CSMD1: variants seen among roughly 807,000 people sequenced by gnomAD.
CSMD1 encodes CUB and Sushi multiple domains 1.
CSMD1 carries 213 observed loss-of-function variants against 417.5 expected under a neutral mutation model. That is an observed-to-expected ratio of 0.51 (90% CI 0.46 to 0.57). CSMD1 has a LOEUF of 0.57. CSMD1 is among the 20% of genes least tolerant of loss of function. The pLI is 0.00. For missense variants in CSMD1, 6,923 were observed against 4,529.7 expected, an observed-to-expected ratio of 1.53 and a Z score of -15.17; for synonymous variants, 2,862 against 1,736.8, an observed-to-expected ratio of 1.65 and a Z score of -16.11.
chr8:3,209,845 G>C (rs889440726), intron 30 of CSMD1, among the ~76,000 whole-genome samples: 6 of 152,090 alleles, frequency 3.9e-5, no homozygotes, highest in African/African-American at 1.4e-4. Context: ...TTATCCATTT[G>C]GCTAATTAGA....
chr8:4,888,176 C>T (rs1298123446), intron 1 of CSMD1, among the ~76,000 whole-genome samples: 1 of 151,624 alleles, frequency 6.6e-6, no homozygotes, highest in African/African-American at 2.4e-5. Context: ...TACATTGGTA[C>T]ATCCATATTG....
intron 5 of CSMD1, among the ~76,000 whole-genome samples, chr8:3,972,542 T>A (rs1316862398): frequency 6.6e-6 from 1 of 152,234 alleles, no homozygotes; most frequent in Admixed American, 6.5e-5. Context: ...TAAGCACGTG[T>A]GACCACATAT....
chr8:4,423,587 TATGGAAG>T (rs1797373446), intron 2 of CSMD1, among the ~76,000 whole-genome samples: 1 of 151,974 alleles, frequency 6.6e-6, no homozygotes, highest in Non-Finnish European at 1.5e-5. Flanking sequence ...ATGTTAATAG[TATGGAAG>T]ATGGAAGACT....
chr8:3,109,759 ACAC>A (rs1297246544), intron 43 of CSMD1, among the ~76,000 whole-genome samples: 2 of 151,736 alleles, frequency 1.3e-5, no homozygotes, highest in Non-Finnish European at 2.9e-5. Flanking sequence ...GCACACACAC[ACAC>A]AACATACACA....
intron 3 of CSMD1, among the ~76,000 whole-genome samples, chr8:4,309,074 G>C (rs145245732): frequency 6.6e-6 from 1 of 151,988 alleles, no homozygotes; most frequent in African/African-American, 2.4e-5. Context: ...TATTTTTTAT[G>C]TTAGGTTATT....
chr8:3,772,095 G>C (rs893867133), intron 5 of CSMD1, among the ~76,000 whole-genome samples: 15 of 147,588 alleles, frequency 1.0e-4, no homozygotes, highest in Non-Finnish European at 1.5e-5. Context: ...TTGATATTAG[G>C]GTGATTTTGT....
At chr8:4,233,477 G>A (rs778750082) in intron 3 of CSMD1, among the ~76,000 whole-genome samples, 3 of 152,166 alleles carry the variant, frequency 2.0e-5, no homozygotes, top group Non-Finnish European at 2.9e-5. Flanking sequence ...GCTTTGATTA[G>A]GAAGAAGGAG....
At chr8:4,452,628 A>C (rs1463710348) in intron 2 of CSMD1, among the ~76,000 whole-genome samples, 1 of 151,988 alleles carries the variant, frequency 6.6e-6, no homozygotes, top group African/African-American at 2.4e-5. Flanking sequence ...TGTGAAGTGC[A>C]CAATGAAAAA....
intron 46 of CSMD1, among the ~76,000 whole-genome samples, chr8:3,100,519 C>G (rs920933685): frequency 3.3e-5 from 5 of 152,162 alleles, no homozygotes. Context: ...TTCTTAGCAG[C>G]AATCACACAT....
chr8:4,670,955 G>A (rs993676563), intron 1 of CSMD1, among the ~76,000 whole-genome samples: 1 of 152,202 alleles, frequency 6.6e-6, no homozygotes, highest in Non-Finnish European at 1.5e-5. Context: ...ACAGTCATAT[G>A]ACATCCATGC....
intron 51 of CSMD1, among the ~76,000 whole-genome samples, 155 bp from the exon 52 acceptor site, chr8:3,018,805 G>A (rs1269826426): frequency 1.3e-5 from 2 of 152,110 alleles, no homozygotes; most frequent in Non-Finnish European, 2.9e-5. Context: ...GCTTAGGGCT[G>A]GATAGACCAG....
chr8:4,913,154 C>T lies in CSMD1; in HGVS notation c.85+81178G>A, dbSNP rs556662471. ...TCAAAGCAGAGTCCACCACTCAGAA[C>T]AGGCACAGGACAGTGGGTCTTGCAA... On this transcript the variant is annotated intron_variant, in intron 1 of 69. Coordinates refer to ENST00000635120, the MANE Select transcript of CSMD1 (RefSeq NM_033225.6). Among the ~76,000 whole-genome samples, 4 of 152,262 alleles carry T rather than the reference C, an allele frequency of 2.6e-5. No homozygotes were observed. In the South Asian group the frequency reaches 6.2e-4, roughly 24 times the overall value.
chr8:3,972,924 G>T (rs995666799), intron 5 of CSMD1, among the ~76,000 whole-genome samples: 10 of 152,134 alleles, frequency 6.6e-5, no homozygotes, highest in African/African-American at 2.2e-4. Context: ...AATGGGCAAA[G>T]TAGGAAATGA....
At chr8:4,161,082 T>C (rs116819937) in intron 3 of CSMD1, among the ~76,000 whole-genome samples, 2,112 of 151,308 alleles carry the variant, frequency 0.014, 50 homozygotes, top group African/African-American at 0.047. Context: ...ATGTAAATAA[T>C]GTAAGAGATA....
At chr8:3,863,218 G>A (rs184796533) in intron 5 of CSMD1, among the ~76,000 whole-genome samples, 1 of 152,116 alleles carries the variant, frequency 6.6e-6, no homozygotes, top group East Asian at 1.9e-4. Context: ...CCAACATAGT[G>A]AAACCCCATC....
At chr8:4,531,433 C>T (rs552769506) in intron 2 of CSMD1, among the ~76,000 whole-genome samples, 5 of 152,242 alleles carry the variant, frequency 3.3e-5, no homozygotes, top group South Asian at 4.1e-4. Flanking sequence ...TGATTGCTTT[C>T]GGTGAGTAAT....
At chr8:3,265,398 G>A (rs925784552) in intron 26 of CSMD1, among the ~76,000 whole-genome samples, 2 of 152,110 alleles carry the variant, frequency 1.3e-5, no homozygotes, top group Non-Finnish European at 2.9e-5. Context: ...TCTTGTGAAG[G>A]GGGGAGTGTA....
In CSMD1 at chr8:3,805,409, G is replaced by T. The variant is rs532021289; in HGVS notation, c.819-51367C>A. On this transcript the variant is annotated intron_variant, in intron 5 of 69. Transcript: ENST00000635120. ...CTAAAACCCTGTAATCACAAGGAAA[G>T]AAGTGGTCACCTCTCAGCAGCTCTG... 2.0e-5 allele frequency among the ~76,000 whole-genome samples: 3 copies of T among 152,294 alleles called. No homozygotes were observed. The South Asian group carries it at 6.2e-4, about 32-fold the overall frequency.
Position 4,637,537 on chromosome 8 carries a change from A to T in CSMD1, c.107T>A (p.Val36Asp). The change falls in exon 2 of 70, where the codon GTC becomes GAC. Residue 36 changes from valine (V) to aspartate (D), a missense_variant. Coordinates refer to ENST00000635120, the MANE Select transcript of CSMD1 (RefSeq NM_033225.6). Reference protein sequence around the residue: ...AAKGQNCGGLVQGPNGTIESP... With the variant: ...AAKGQNCGGLDQGPNGTIESP... ...CTCAATAGTGCCATTGGGACCCTGG[A>T]CTAAGCCTCCACAGTTCTGACCTGG... 1.2e-6 allele frequency: 2 copies of T among 1,613,414 alleles called. No homozygotes were observed. The highest frequency in any genetic ancestry group is 1.1e-5 in the South Asian group (1 of 91,054).
Sources: allele counts gnomAD v4.1 joint callset (sites outside exome capture counted in the v4.1 genomes callset), GRCh38; gene constraint gnomAD v4.1.1; transcripts MANE v1.5; gene names NCBI Gene and HGNC (gene_info 2026-07-23, HGNC 2026-07-21).